Variants in ROR2 observed in about 807,000 individuals in gnomAD.
ROR2 encodes ROR family WNT receptor 2, also known as tyrosine-protein kinase transmembrane receptor ROR2.
Under a neutral mutation model 74.9 loss-of-function variants are expected in ROR2, and 33 were observed. That is an observed-to-expected ratio of 0.44 (90% CI 0.33 to 0.59). The LOEUF is 0.59. Among genes scored for constraint, ROR2 ranks in the 20% least tolerant of loss-of-function variants. ROR2 has a pLI of 0.02. For missense variants in ROR2, 1,216 were observed against 1,313.8 expected (o/e 0.93, Z 1.15); for synonymous variants, 586 against 558.7 (o/e 1.05, Z -0.69).
chr9:91,936,334 C>T (rs1000687065), intron 1 of ROR2, among the ~76,000 whole-genome samples: 1 of 152,130 alleles, frequency 6.6e-6, no homozygotes, highest in Non-Finnish European at 1.5e-5. Context: ...GGGTTGGCTC[C>T]TTCTGAGGGT....
At position 91,808,717 on chromosome 9, in the gene ROR2, C is replaced by T. The variant is rs773965018; in HGVS notation, c.98-32899G>A. Among the ~76,000 whole-genome samples, 173 of 149,616 alleles carry T rather than the reference C, an allele frequency of 1.2e-3. 1 individual carries two copies. Among genetic ancestry groups the T allele is most frequent in the Non-Finnish European group, 1.3e-3 (85 of 67,420 alleles). ...CTCACGTCTGTAATCCCAGCACTTT[C>T]GGAGGCCGAGGAGGGCGGATCACGA... is the stretch of plus-strand genomic sequence containing the variant. On this transcript the variant is annotated intron_variant, in intron 1 of 8. Coordinates refer to ENST00000375708, the MANE Select transcript of ROR2 (RefSeq NM_004560.4).
chr9:91,906,087 C>G (rs908620401), intron 1 of ROR2, among the ~76,000 whole-genome samples: 1 of 151,980 alleles, frequency 6.6e-6, no homozygotes, highest in Admixed American at 6.5e-5. Context: ...GGTTTTTAAA[C>G]CACACCAAAA....
chr9:91,847,048 C>A (rs936882863), intron 1 of ROR2, among the ~76,000 whole-genome samples: 26 of 152,084 alleles, frequency 1.7e-4, no homozygotes, highest in Admixed American at 6.5e-5. Context: ...CAAAGGCTCA[C>A]AGACACAAAT....
rs71362365 is a variant in ROR2, at chr9:91,909,847, G to GTTTTTTTTTTTTTTTT, written c.97+40004_97+40019dup. Among the ~76,000 whole-genome samples the GTTTTTTTTTTTTTTTT allele has an allele frequency of 1.5e-3, 83 of 53,616 alleles. 1 individual carries two copies. Among genetic ancestry groups the GTTTTTTTTTTTTTTTT allele is most frequent in the South Asian group, 2.0e-3 (2 of 980 alleles). The allele number at this position is 53,616 out of a possible 152,430, so 35.2% of individuals were successfully genotyped here. ...TCTTTTTTTTTTTTAGGTTTGTTTT[G>GTTTTTTTTTTTTTTTT]TTTTTTTTTTTTTTTTTTTTTTTTA... On this transcript the variant is annotated intron_variant, in intron 1 of 8. Coordinates refer to ENST00000375708, the MANE Select transcript of ROR2 (RefSeq NM_004560.4).
chr9:91,724,820 G>A lies in ROR2; in HGVS notation c.1674C>T (p.His558=), dbSNP rs566937186. Residue 558 remains histidine, a synonymous_variant, in exon 9 of 9, where the codon CAC becomes CAT. Coordinates refer to ENST00000375708, the MANE Select transcript of ROR2 (RefSeq NM_004560.4). The stretch of plus-strand genomic sequence containing the variant: ...TGACCAGGAATTCGTGGAGGTCGCC[G>A]TGCGAACAGTAGCTGAAGATCATGC... The part of the protein sequence containing the change: ...PLSMIFSYCS[H]GDLHEFLVMR... 66 of 1,607,000 alleles carry A rather than the reference G, an allele frequency of 4.1e-5. No homozygotes were observed. The highest frequency in any genetic ancestry group is 5.3e-5 in the African/African-American group (4 of 74,840).
chr9:91,923,229 C>T (rs1831316997), intron 1 of ROR2, among the ~76,000 whole-genome samples: 1 of 152,214 alleles, frequency 6.6e-6, no homozygotes, highest in South Asian at 2.1e-4. Context: ...CAGTATAAAG[C>T]AGCACTGCCC....
chr9:91,883,736 A>G (rs1446054087), intron 1 of ROR2, among the ~76,000 whole-genome samples: 1 of 152,108 alleles, frequency 6.6e-6, no homozygotes, highest in East Asian at 1.9e-4. Context: ...AACACACCCC[A>G]CCCACTGTAC....
At chr9:91,930,653 C>G (rs1831525935) in intron 1 of ROR2, among the ~76,000 whole-genome samples, 1 of 152,176 alleles carries the variant, frequency 6.6e-6, no homozygotes, top group South Asian at 2.1e-4. Context: ...GTGAGTTCAT[C>G]ATGGGGGCAA....
chr9:91,748,969 T>C (rs1258688531), intron 4 of ROR2, among the ~76,000 whole-genome samples: 12 of 152,188 alleles, frequency 7.9e-5, no homozygotes, highest in Admixed American at 7.9e-4. Flanking sequence ...GAGGCTGCAG[T>C]GAGCCGATAC....
chr9:91,857,752 G>A (rs1040396219), intron 1 of ROR2, among the ~76,000 whole-genome samples: 5 of 152,106 alleles, frequency 3.3e-5, no homozygotes, highest in African/African-American at 1.2e-4. Context: ...AGCTCCCAGC[G>A]ATCAATCTCC....
chr9:91,755,158 G>A (rs531271680), intron 4 of ROR2, among the ~76,000 whole-genome samples: 1 of 149,052 alleles, frequency 6.7e-6, no homozygotes, highest in Admixed American at 6.6e-5. Flanking sequence ...GTCTATTTGG[G>A]GGGGGAAAAA....
chr9:91,907,607 C>T (rs772292471), intron 1 of ROR2, among the ~76,000 whole-genome samples: 18 of 152,182 alleles, frequency 1.2e-4, no homozygotes, highest in Admixed American at 4.6e-4. Context: ...TGAGCAGCTA[C>T]AGGAAGGGCC....
At chr9:91,894,334 T>A (rs950441730) in intron 1 of ROR2, among the ~76,000 whole-genome samples, 15 of 152,226 alleles carry the variant, frequency 9.9e-5, no homozygotes, top group Admixed American at 5.2e-4. Context: ...CCTGGCATCA[T>A]AACATGTGTG....
intron 7 of ROR2, among the ~76,000 whole-genome samples, chr9:91,729,087 T>TG: frequency 1.2e-5 from 1 of 83,428 alleles, no homozygotes; most frequent in Admixed American, 1.1e-4. Flanking sequence ...TCCTACTCAC[T>TG]GTAAAAAAAA....
At chr9:91,926,220 A>C (rs1587852225) in intron 1 of ROR2, among the ~76,000 whole-genome samples, 1 of 96,742 alleles carries the variant, frequency 1.0e-5, no homozygotes, top group Non-Finnish European at 1.8e-5. Flanking sequence ...TCTCTACTTT[A>C]AAAAAAAAAA....
chr9:91,769,352 A>G (rs1218419321), intron 2 of ROR2, among the ~76,000 whole-genome samples: 1 of 152,032 alleles, frequency 6.6e-6, no homozygotes, highest in Non-Finnish European at 1.5e-5. Flanking sequence ...ATGCCCCACA[A>G]TGAGCATGGA....
chr9:91,847,558 C>T (rs1410367473), intron 1 of ROR2, among the ~76,000 whole-genome samples: 2 of 151,694 alleles, frequency 1.3e-5, no homozygotes, highest in Non-Finnish European at 2.9e-5. Context: ...GGAGCCAGCT[C>T]ATACAGCAAC....
In ROR2 at chr9:91,864,238, A is replaced by G. The variant is rs188442535; in HGVS notation, c.97+85629T>C. ...TGTTAGATTATGTGAATTACTGGAC[A>G]CTGCACCCAGGGAAAGAGATCCACC... is the stretch of plus-strand genomic sequence containing the variant. On this transcript the variant is annotated intron_variant, in intron 1 of 8. Transcript: ENST00000375708. 3.9e-5 allele frequency among the ~76,000 whole-genome samples: 6 copies of G among 152,308 alleles called. No individual in the cohort carries two copies. The East Asian group carries it at 1.2e-3, about 29-fold the overall frequency.
At position 91,724,897 on chromosome 9, in the gene ROR2, G is replaced by A; in HGVS notation, c.1597C>T (p.His533Tyr). The change falls in exon 9 of 9, where the codon CAC becomes TAC. Residue 533 changes from histidine (H) to tyrosine (Y), a missense_variant. By Grantham distance (83) the His-to-Tyr change is moderately conservative. Transcript: ENST00000375708. ...HEAMLRARLQ[H>Y]PNVVCLLGVV... is the part of the protein sequence containing the mutation. The stretch of plus-strand genomic sequence containing the variant: ...CCCAGCAGGCAGACGACGTTGGGGT[G>A]TTGCAGCCGTGCTCGCAGCATAGCC... 1 of 1,606,972 alleles carries A rather than the reference G, an allele frequency of 6.2e-7. No homozygotes were observed. Among genetic ancestry groups the A allele is most frequent in the Non-Finnish European group, 8.5e-7 (1 of 1,174,868 alleles).
Sources: allele counts gnomAD v4.1 joint callset (sites outside exome capture counted in the v4.1 genomes callset), GRCh38; gene constraint gnomAD v4.1.1; transcripts MANE v1.5; gene names NCBI Gene and HGNC (gene_info 2026-07-23, HGNC 2026-07-21).